Variants in CNTN5 observed in about 807,000 individuals in gnomAD.
CNTN5 encodes contactin 5.
Under a neutral mutation model 129.1 loss-of-function variants are expected in CNTN5, and 77 were observed. The ratio of observed to expected loss-of-function variants is 0.60; its 90% confidence interval spans 0.50 to 0.72. The LOEUF is 0.72. CNTN5 is among the 30% of genes least tolerant of loss of function. CNTN5 has a pLI of 0.00. For missense variants in CNTN5, 1,478 were observed against 1,328.8 expected (o/e 1.11, Z -1.75); for synonymous variants, 509 against 465.6 (o/e 1.09, Z -1.20).
intron 9 of CNTN5, among the ~76,000 whole-genome samples, chr11:100,021,876 A>G (rs1225378745): frequency 2.0e-5 from 3 of 152,210 alleles, no homozygotes; most frequent in Non-Finnish European, 2.9e-5. Flanking sequence ...CAAGAGTTAA[A>G]AAGCCAAAGA....
chr11:100,295,494 T>C (rs1347280821), intron 18 of CNTN5, among the ~76,000 whole-genome samples: 1 of 151,466 alleles, frequency 6.6e-6, no homozygotes, highest in Non-Finnish European at 1.5e-5. Context: ...TCTAAATTGG[T>C]AAATTGTTTT....
In CNTN5 at chr11:100,051,399, T is replaced by C. The variant is rs537018520; in HGVS notation, c.981-9813T>C. ...CAAAACACACATCTAAATAACAAAA[T>C]GATCAAGAGGAAATCACAAAAGAAA... On this transcript the variant is annotated intron_variant, in intron 9 of 24. Transcript: ENST00000524871. 4.0e-3 allele frequency among the ~76,000 whole-genome samples: 607 copies of C among 151,992 alleles called. 5 individuals are homozygous for C. Among genetic ancestry groups the C allele is most frequent in the Non-Finnish European group, 7.5e-3 (512 of 67,878 alleles).
At chr11:100,164,515 TGGA>T (rs993769503) in intron 13 of CNTN5, among the ~76,000 whole-genome samples, 2 of 151,536 alleles carry the variant, frequency 1.3e-5, no homozygotes, top group Non-Finnish European at 1.5e-5. Flanking sequence ...TAGAAAAAAA[TGGA>T]GGACACAGCA....
At chr11:99,459,490 G>T (rs908469623) in intron 2 of CNTN5, among the ~76,000 whole-genome samples, 1 of 151,996 alleles carries the variant, frequency 6.6e-6, no homozygotes, top group African/African-American at 2.4e-5. Flanking sequence ...CATTACAATG[G>T]AAGAGTCTGG....
At chr11:100,009,958 T>G (rs879110159) in intron 9 of CNTN5, among the ~76,000 whole-genome samples, 2 of 152,108 alleles carry the variant, frequency 1.3e-5, no homozygotes, top group African/African-American at 4.8e-5. Flanking sequence ...GAAGTAGAAA[T>G]GATGAGTGTT....
At chr11:100,167,366 T>C (rs946771187) in intron 13 of CNTN5, among the ~76,000 whole-genome samples, 1 of 151,840 alleles carries the variant, frequency 6.6e-6, no homozygotes, top group African/African-American at 2.4e-5. Flanking sequence ...GATAAATACA[T>C]TTAAAGCAGG....
chr11:100,268,824 C>T (rs1171987160), intron 17 of CNTN5, among the ~76,000 whole-genome samples: 1 of 151,922 alleles, frequency 6.6e-6, no homozygotes, highest in Non-Finnish European at 1.5e-5. Context: ...GAAAGGAGTC[C>T]AGGACGGCCC....
intron 1 of CNTN5, among the ~76,000 whole-genome samples, chr11:99,147,855 C>T (rs1859861965): frequency 6.6e-6 from 1 of 151,996 alleles, no homozygotes; most frequent in Admixed American, 6.6e-5. Flanking sequence ...CCTTAAATAA[C>T]ATCATGGTGA....
chr11:99,040,780 G>A (rs1027297293), intron 1 of CNTN5, among the ~76,000 whole-genome samples: 4 of 152,172 alleles, frequency 2.6e-5, no homozygotes, highest in Admixed American at 2.0e-4. Flanking sequence ...TAAATGTTTT[G>A]TTGATGAATA....
At chr11:99,758,052 G>C (rs1248295450) in intron 3 of CNTN5, among the ~76,000 whole-genome samples, 1 of 152,028 alleles carries the variant, frequency 6.6e-6, no homozygotes, top group Admixed American at 6.6e-5. Flanking sequence ...GGACAATTTA[G>C]TGAAAGTGTT....
intron 3 of CNTN5, among the ~76,000 whole-genome samples, chr11:99,560,750 T>C (rs1948816302): frequency 6.6e-6 from 1 of 152,102 alleles, no homozygotes; most frequent in Non-Finnish European, 1.5e-5. Context: ...ACTCCTAAAA[T>C]CCATAAACAT....
chr11:99,133,559 G>GA (rs1168070957), intron 1 of CNTN5, among the ~76,000 whole-genome samples: 1 of 72,138 alleles, frequency 1.4e-5, no homozygotes, highest in Non-Finnish European at 2.6e-5. Context: ...AAATTTACAA[G>GA]AAAAAAACAA....
intron 21 of CNTN5, chr11:100,309,177 A>T (rs1024852754): frequency 1.0e-6 from 1 of 984,914 alleles, no homozygotes; most frequent in African/African-American, 1.7e-5. Context: ...AGAAAAAAAG[A>T]ATTAGCATCT....
rs375996347 is a variant in CNTN5, at chr11:100,113,462, AAAAAAG to A, written c.1580+39178_1580+39183del. Among the ~76,000 whole-genome samples the A allele has an allele frequency of 2.7e-3, 365 of 136,242 alleles. 1 individual carries two copies. The highest frequency in any genetic ancestry group is 9.3e-3 in the African/African-American group (341 of 36,846). The allele number at this position is 136,242 out of a possible 152,430, so 89.4% of individuals were successfully genotyped here. ...AAAAAAAAAAAAAAAAACAAGAAAG[AAAAAAG>A]AAAAAGAAAGAAAAAGAAAAAAACA... is the stretch of plus-strand genomic sequence containing the variant. On this transcript the variant is annotated intron_variant, in intron 13 of 24. Coordinates refer to ENST00000524871, the MANE Select transcript of CNTN5 (RefSeq NM_014361.4).
intron 3 of CNTN5, among the ~76,000 whole-genome samples, chr11:99,728,152 A>C (rs1449280848): frequency 2.0e-5 from 3 of 152,198 alleles, no homozygotes; most frequent in East Asian, 3.9e-4. Flanking sequence ...GTTGCAAAAA[A>C]TGTAGATTTC....
At chr11:99,801,404 T>C (rs549876235) in intron 3 of CNTN5, among the ~76,000 whole-genome samples, 29 of 152,328 alleles carry the variant, frequency 1.9e-4, no homozygotes, top group African/African-American at 6.0e-4. Context: ...GATTACTATA[T>C]AGCTTGGAGA....
rs1350138563 is a variant in CNTN5, at chr11:99,702,520, CATA to C, written c.56-117021_56-117019del. 2.7e-5 allele frequency among the ~76,000 whole-genome samples: 4 copies of C among 150,858 alleles called. No homozygotes were observed. In the Admixed American group the frequency reaches 2.7e-4, roughly 10 times the overall value. On this transcript the variant is annotated intron_variant, in intron 3 of 24. Coordinates refer to ENST00000524871, the MANE Select transcript of CNTN5 (RefSeq NM_014361.4). ...CATAGGATTAAAATGTAATTATTAT[CATA>C]ATCAGTTTTGTTATAATATTTAGAT...
chr11:99,885,301 G>A (rs920929098), intron 6 of CNTN5, among the ~76,000 whole-genome samples: 1 of 151,826 alleles, frequency 6.6e-6, no homozygotes, highest in Non-Finnish European at 1.5e-5. Context: ...AAAAGAAAAA[G>A]AAAGAAAGAA....
At chr11:99,262,700 G>A (rs1862697206) in intron 1 of CNTN5, among the ~76,000 whole-genome samples, 1 of 150,034 alleles carries the variant, frequency 6.7e-6, no homozygotes, top group South Asian at 2.1e-4. Context: ...TTAAAATTAT[G>A]TTATGTAAAA....
Sources: gnomAD v4.1 joint callset for allele counts (sites outside exome capture counted in the v4.1 genomes callset) on GRCh38, gnomAD v4.1.1 for gene constraint, MANE v1.5 for transcripts, NCBI Gene and HGNC (gene_info 2026-07-23, HGNC 2026-07-21) for gene names.